Variants in PEX5 observed in about 807,000 individuals in gnomAD.
The protein encoded by PEX5 is PTS1 receptor.
Under a neutral mutation model 82.9 loss-of-function variants are expected in PEX5, and 52 were observed. The ratio of observed to expected loss-of-function variants is 0.63; its 90% CI spans 0.50 to 0.79. The LOEUF (loss-of-function observed/expected upper bound fraction) is 0.79, where lower values mean the gene tolerates loss of function less well. PEX5 is among the 30% of genes least tolerant of loss of function. PEX5 has a pLI of 0.00. For missense variants in PEX5, 719 were observed against 815.2 expected, an observed-to-expected ratio of 0.88 and a Z score of 1.44; for synonymous variants, 300 against 318.8, an observed-to-expected ratio of 0.94 and a Z score of 0.63.
At chr12:7,193,329 CT>C (rs1236260218) in intron 5 of PEX5, among the ~76,000 whole-genome samples, 1 of 149,986 alleles carries the variant, frequency 6.7e-6, no homozygotes, top group Non-Finnish European at 1.5e-5. Flanking sequence ...TGCCTCCTGG[CT>C]TCAAGGGATT....
intron 17 of PEX5, among the ~76,000 whole-genome samples, chr12:7,216,652 A>C (rs1945789329): frequency 6.6e-6 from 1 of 152,202 alleles, no homozygotes; most frequent in Non-Finnish European, 1.5e-5. Context: ...ATTTGAATGA[A>C]ATTTAGACCC....
chr12:7,198,303 G>C (rs193053832), intron 5 of PEX5, among the ~76,000 whole-genome samples: 105 of 152,278 alleles, frequency 6.9e-4, no homozygotes, highest in Admixed American at 3.5e-3. Flanking sequence ...TGAGGGAACT[G>C]TAAACGTTCT....
At chr12:7,190,051 TCCCCGTGGTC>T (rs1296587816) in intron 1 of PEX5, 11 of 1,501,132 alleles carry the variant, frequency 7.3e-6, no homozygotes, top group East Asian at 2.5e-5. Flanking sequence ...TGTTGAAGCG[TCCCCGTGGTC>T]CCCCGGGGTC....
At chr12:7,201,585 C>G in intron 6 of PEX5, 166 bp from the exon 7 acceptor site, 1 of 691,560 alleles carries the variant, frequency 1.4e-6, no homozygotes, top group Non-Finnish European at 2.7e-6. Context: ...TACTTTCACA[C>G]TCCTGCCCAA....
chr12:7,208,423 C>T (rs373157020), intron 12 of PEX5, 34 bp from the exon 13 acceptor site: 1 of 1,509,934 alleles, frequency 6.6e-7, no homozygotes, highest in East Asian at 2.3e-5. Context: ...TCAGTCATTG[C>T]AGATATCAAG....
intron 6 of PEX5, 93 bp downstream of exon 6, chr12:7,199,206 ATTC>A (rs1943274780): frequency 2.2e-6 from 1 of 459,046 alleles, no homozygotes; most frequent in African/African-American, 2.7e-5. Flanking sequence ...AACTTACTTT[ATTC>A]TTTTTTTTTT....
intron 6 of PEX5, among the ~76,000 whole-genome samples, chr12:7,200,193 G>A (rs1943589970): frequency 1.4e-5 from 2 of 147,696 alleles, no homozygotes; most frequent in African/African-American, 2.5e-5. Flanking sequence ...GGGCAGAGAC[G>A]CTCCTCACCT....
chr12:7,214,883 A>G (rs973081582), downstream of PEX5, among the ~76,000 whole-genome samples: 1 of 152,104 alleles, frequency 6.6e-6, no homozygotes, highest in South Asian at 2.1e-4. Context: ...TCAGTATTAT[A>G]TTAGTCAAAA....
chr12:7,192,631 T>A (rs1449989950), intron 5 of PEX5, among the ~76,000 whole-genome samples: 4 of 152,194 alleles, frequency 2.6e-5, no homozygotes, highest in African/African-American at 9.6e-5. Flanking sequence ...TAACAAGAGA[T>A]ACACATAGAG....
intron 10 of PEX5, among the ~76,000 whole-genome samples, chr12:7,206,188 A>G (rs962114078): frequency 1.3e-5 from 2 of 152,238 alleles, no homozygotes; most frequent in African/African-American, 4.8e-5. Context: ...CTTGTGGGAT[A>G]AATCTTTATG....
chr12:7,207,841 C>T, intron 11 of PEX5, 39 bp downstream of exon 11: 1 of 1,608,746 alleles, frequency 6.2e-7, no homozygotes, highest in Non-Finnish European at 8.5e-7. Context: ...CTAGAGACTG[C>T]TTCCTCCATC....
chr12:7,190,208 C>G (rs960435243), intron 1 of PEX5, 154 bp from the exon 2 acceptor site: 18 of 1,568,380 alleles, frequency 1.1e-5, no homozygotes, highest in Non-Finnish European at 1.4e-5. Flanking sequence ...CCTCGAACTC[C>G]TGGCAGAGGT....
chr12:7,208,236 T>A (rs911777620), intron 12 of PEX5, among the ~76,000 whole-genome samples, 156 bp downstream of exon 12: 1 of 152,198 alleles, frequency 6.6e-6, no homozygotes, highest in African/African-American at 2.4e-5. Flanking sequence ...TGAATTCCAT[T>A]CCTTCATCGG....
chr12:7,202,789 A>C, intron 9 of PEX5, 85 bp downstream of exon 9: 1 of 961,634 alleles, frequency 1.0e-6, no homozygotes, highest in Non-Finnish European at 1.7e-6. Flanking sequence ...AAGATGATGC[A>C]AATTGTATTT....
intron 7 of PEX5, 22 bp downstream of exon 7, chr12:7,201,863 C>A (rs1275424860): frequency 7.1e-6 from 11 of 1,545,600 alleles, no homozygotes; most frequent in African/African-American, 2.7e-5. Context: ...CCCTCTGCTG[C>A]TTTGCCCAGC....
downstream of PEX5, among the ~76,000 whole-genome samples, chr12:7,213,329 A>G (rs1228082234): frequency 2.0e-5 from 3 of 152,094 alleles, no homozygotes; most frequent in Non-Finnish European, 2.9e-5. Flanking sequence ...TCTTCAAACT[A>G]TACTACAAGG....
chr12:7,205,873 T>C (rs11044316), intron 10 of PEX5, among the ~76,000 whole-genome samples: 22,425 of 152,182 alleles, frequency 0.15, 2,082 homozygotes, highest in Non-Finnish European at 0.2. Flanking sequence ...GCATCACTTC[T>C]GGCTGTCATA....
Position 7,190,405 on chromosome 12 carries a change from G to T in PEX5, c.28G>T (p.Glu10Ter). The stretch of plus-strand genomic sequence containing the variant: ...GGCAATGCGGGAGCTGGTGGAGGCC[G>T]AATGCGGGGGTGCCAACCCGCTCAT... MAMRELVEA[E>*]CGGANPLMKL... The change falls in exon 2 of 16, where the codon GAA becomes TAA. Residue 10 changes from glutamate to a stop codon, truncating the protein, a stop_gained. Coordinates refer to ENST00000675855, the MANE Select transcript of PEX5 (RefSeq NM_001351132.2). LOFTEE classifies it high-confidence loss of function. 1 of 1,614,192 alleles carries T rather than the reference G, an allele frequency of 6.2e-7. No individual in the cohort carries two copies. The highest frequency in any genetic ancestry group is 8.5e-7 in the Non-Finnish European group (1 of 1,180,022).
rs775878792 is a variant in PEX5 at position 7,211,385 on chromosome 12, C to G, written c.*1162C>G. ...ACTACCATGGTCCCAGGATTCCATC[C>G]TGAAATTTATTTTTCTTTGTATGAA... On this transcript the variant is annotated 3_prime_UTR_variant, in exon 16 of 16. Transcript: ENST00000675855. 2.0e-5 allele frequency: 3 copies of G among 152,036 alleles called. No homozygotes were observed. Among genetic ancestry groups the G allele is most frequent in the Non-Finnish European group, 4.4e-5 (3 of 68,010 alleles). 9.4% of individuals were successfully genotyped at this position (152,036 alleles called of 1,614,324 possible). A position where few individuals can be genotyped will look rare whatever the true frequency, so the allele number is the denominator to read the frequency against.
Sources: gnomAD v4.1 joint callset for allele counts (sites outside exome capture counted in the v4.1 genomes callset) on GRCh38, gnomAD v4.1.1 for gene constraint, MANE v1.5 for transcripts, NCBI Gene and HGNC (gene_info 2026-07-23, HGNC 2026-07-21) for gene names.